The following SLCO2A1 variants were observed in gnomAD, a reference collection of about 807,000 sequenced individuals.
SLCO2A1 encodes the protein solute carrier organic anion transporter family member 2A1, also known as matrin F/G 1.
Under a neutral mutation model 71.7 loss-of-function variants are expected in SLCO2A1, and 60 were observed. The ratio of observed to expected loss-of-function variants is 0.84; its 90% CI spans 0.68 to 1.04. The LOEUF (loss-of-function observed/expected upper bound fraction) is 1.04, where lower values mean the gene tolerates loss of function less well. Among genes scored for constraint, SLCO2A1 ranks in the 50% least tolerant of loss-of-function variants. The pLI is 0.00. For missense variants in SLCO2A1, 745 were observed against 813.4 expected, an observed-to-expected ratio of 0.92 and a Z score of 1.02; for synonymous variants, 308 against 326.7, an observed-to-expected ratio of 0.94 and a Z score of 0.62.
intron 1 of SLCO2A1, among the ~76,000 whole-genome samples, chr3:133,984,629 G>C (rs886339810): frequency 6.6e-6 from 1 of 152,216 alleles, no homozygotes; most frequent in Non-Finnish European, 1.5e-5. Flanking sequence ...TGGCCAGCAT[G>C]TGACAGAGCA....
Position 133,975,965 on chromosome 3 carries a change from T to C in SLCO2A1, c.235-2140A>G, listed in dbSNP as rs116378404. On this transcript the variant is annotated intron_variant, in intron 2 of 13. Transcript: ENST00000310926. ...ATGTTTTATTTCCATAAATACTATATTTATCCTTAGAATGATATATGAGCA... is the reference window on the plus strand; with the variant it reads ...ATGTTTTATTTCCATAAATACTATACTTATCCTTAGAATGATATATGAGCA... Among the ~76,000 whole-genome samples the C allele has an allele frequency of 8.0e-3, 1,226 of 152,392 alleles. 15 individuals carry two copies. Among genetic ancestry groups the C allele is most frequent in the Non-Finnish European group, 0.01 (710 of 68,048 alleles).
intron 6 of SLCO2A1, among the ~76,000 whole-genome samples, chr3:133,950,282 C>T (rs990211605): frequency 1.3e-5 from 2 of 152,156 alleles, no homozygotes; most frequent in Non-Finnish European, 1.5e-5. Context: ...CTGCCCCTCT[C>T]CCCCCGGCTG....
intron 2 of SLCO2A1, among the ~76,000 whole-genome samples, chr3:133,976,398 G>T (rs73219404): frequency 3.9e-5 from 6 of 152,308 alleles, no homozygotes; most frequent in Non-Finnish European, 7.3e-5. Flanking sequence ...AGGGTCAGTG[G>T]AGGGCCCCGA....
At chr3:134,029,669 G>A (rs768227323) in intron 1 of SLCO2A1, 38 bp downstream of exon 1, 2 of 1,511,782 alleles carry the variant, frequency 1.3e-6, no homozygotes, top group Admixed American at 1.9e-5. Flanking sequence ...TGCGCCAGGC[G>A]CGGCTCCGGC....
At chr3:133,942,976 A>G (rs1273327030) in intron 10 of SLCO2A1, among the ~76,000 whole-genome samples, 1 of 152,166 alleles carries the variant, frequency 6.6e-6, no homozygotes, top group Non-Finnish European at 1.5e-5. Flanking sequence ...TGTTTGGGCA[A>G]CAGAAACCAT....
intron 4 of SLCO2A1, among the ~76,000 whole-genome samples, chr3:133,954,616 CAA>C (rs1559934171): frequency 1.3e-5 from 2 of 152,184 alleles, no homozygotes; most frequent in Non-Finnish European, 2.9e-5. Context: ...AGTCAGAGAG[CAA>C]CAGTAGGTGC....
Position 134,021,911 on chromosome 3 carries a change from T to TA in SLCO2A1, c.96+7795dup, listed in dbSNP as rs1164515602. 2.6e-5 allele frequency among the ~76,000 whole-genome samples: 4 copies of TA among 151,232 alleles called. No homozygotes were observed. The East Asian group carries it at 7.7e-4, about 29-fold the overall frequency. ...TCCTGAAAGCACTGAGGCCTTCCTA[T>TA]AAAAAATCCTTAACCCAGTAACCCG... On this transcript the variant is annotated intron_variant, in intron 1 of 13. Coordinates refer to ENST00000310926, the MANE Select transcript of SLCO2A1 (RefSeq NM_005630.3).
At chr3:134,025,866 C>T (rs980977130) in intron 1 of SLCO2A1, among the ~76,000 whole-genome samples, 29 of 152,284 alleles carry the variant, frequency 1.9e-4, no homozygotes, top group African/African-American at 6.0e-4. Flanking sequence ...AGTTTACAAA[C>T]GCTCTCCTAA....
Position 134,027,647 on chromosome 3 carries a change from CCAT to C in SLCO2A1, c.96+2057_96+2059del, listed in dbSNP as rs1935725575. Among the ~76,000 whole-genome samples, 2 of 152,196 alleles carry C rather than the reference CCAT, an allele frequency of 1.3e-5. 1 individual carries two copies. The highest frequency in any genetic ancestry group is 1.3e-4 in the Admixed American group (2 of 15,288). ...GTCTGTGGCTCGTCCTGCTACACCACCATGTCATACATGTCCCAAGATATGTGC... is the reference window on the plus strand; with the variant it reads ...GTCTGTGGCTCGTCCTGCTACACCACGTCATACATGTCCCAAGATATGTGC... On this transcript the variant is annotated intron_variant, in intron 1 of 13. Coordinates refer to ENST00000310926, the MANE Select transcript of SLCO2A1 (RefSeq NM_005630.3).
At chr3:134,019,536 A>G (rs974196090) in intron 1 of SLCO2A1, among the ~76,000 whole-genome samples, 1 of 152,178 alleles carries the variant, frequency 6.6e-6, no homozygotes, top group Admixed American at 6.5e-5. Flanking sequence ...ATGGGTACTG[A>G]TCCTGACAGC....
intron 1 of SLCO2A1, among the ~76,000 whole-genome samples, chr3:133,989,001 G>A (rs1559948336): frequency 6.6e-6 from 1 of 152,188 alleles, no homozygotes; most frequent in African/African-American, 2.4e-5. Context: ...AGTAACAAAG[G>A]ATCAAAGGCT....
chr3:133,949,099 G>C (rs1933669168), intron 6 of SLCO2A1, 128 bp from the exon 7 acceptor site: 2 of 695,706 alleles, frequency 2.9e-6, no homozygotes. Flanking sequence ...AGGCGTGTGT[G>C]CATGGGAGGG....
intron 1 of SLCO2A1, among the ~76,000 whole-genome samples, chr3:134,016,525 T>C (rs1576461035): frequency 6.6e-6 from 1 of 152,328 alleles, no homozygotes; most frequent in Non-Finnish European, 1.5e-5. Context: ...AATAAAAATT[T>C]GTAACAATAC....
At chr3:133,937,402 T>C (rs1032523128) in intron 12 of SLCO2A1, among the ~76,000 whole-genome samples, 3 of 152,148 alleles carry the variant, frequency 2.0e-5, no homozygotes, top group Admixed American at 6.5e-5. Context: ...GAAATCCCAC[T>C]GAAAAAGCTG....
intron 1 of SLCO2A1, among the ~76,000 whole-genome samples, chr3:133,996,034 C>A (rs946918835): frequency 3.9e-5 from 6 of 152,348 alleles, no homozygotes; most frequent in Admixed American, 2.6e-4. Flanking sequence ...AGTTTTGACT[C>A]TTGGCCTTTT....
At chr3:133,947,973 C>T (rs1000283284) in intron 8 of SLCO2A1, among the ~76,000 whole-genome samples, 2 of 152,152 alleles carry the variant, frequency 1.3e-5, no homozygotes, top group African/African-American at 4.8e-5. Flanking sequence ...GGTGGGACCA[C>T]ATCTGTAGTT....
intron 5 of SLCO2A1, among the ~76,000 whole-genome samples, chr3:133,952,240 T>G (rs1933762455): frequency 1.3e-5 from 2 of 152,216 alleles, no homozygotes; most frequent in South Asian, 4.1e-4. Context: ...AGACACCCCC[T>G]GGCTTTCTAC....
intron 3 of SLCO2A1, among the ~76,000 whole-genome samples, chr3:133,965,385 G>A (rs1460554266): frequency 6.6e-6 from 1 of 152,210 alleles, no homozygotes; most frequent in Non-Finnish European, 1.5e-5. Context: ...GCGTCACCCA[G>A]AAAGAAGCTG....
intron 1 of SLCO2A1, among the ~76,000 whole-genome samples, chr3:133,996,626 C>A (rs1392722133): frequency 6.6e-6 from 1 of 152,196 alleles, no homozygotes; most frequent in African/African-American, 2.4e-5. Context: ...CATTTCCACA[C>A]CCCAGTCTGG....
Sources: gnomAD v4.1 joint callset for allele counts (sites outside exome capture counted in the v4.1 genomes callset) on GRCh38, gnomAD v4.1.1 for gene constraint, MANE v1.5 for transcripts, NCBI Gene and HGNC (gene_info 2026-07-23, HGNC 2026-07-21) for gene names.